Variants in ASTN2 observed in about 807,000 individuals in gnomAD.
The protein encoded by ASTN2 is astrotactin 2.
In ASTN2, 54 loss-of-function variants were observed where a neutral mutation model predicts 139.8. The ratio of observed to expected loss-of-function variants is 0.39; its 90% CI spans 0.31 to 0.48. ASTN2 has a LOEUF of 0.48. ASTN2 is among the 20% of genes least tolerant of loss of function. The pLI, the probability that ASTN2 is intolerant of heterozygous loss-of-function variation, is 0.95. For synonymous variants in ASTN2, 756 were observed against 719.5 expected (o/e 1.05, Z -0.81); for missense variants, 1,565 against 1,725.1 (o/e 0.91, Z 1.64).
rs1831288239 is a variant in ASTN2, at chr9:117,414,893, G to A, written c.46C>T (p.Leu16Phe). ...AAGCAGAGCCTCGGCCGCCCCCGGA[G>A]CCCCGAGCCGGGGCCGGGGCTGAGC... ...ARLSPGPGSG[L>F]RGRPRLCFHP... Residue 16 changes from leucine to phenylalanine, a missense_variant, in exon 1 of 23, where the codon CTC becomes TTC. By Grantham distance (22) the Leu-to-Phe change is conservative (BLOSUM62 0). This residue lies in a region of ASTN2 where 596 missense variants were observed against 576.8 expected (regional missense o/e 1.03). Transcript: ENST00000313400. This position sits in a 1 kb window ranked among gnomAD's most constrained non-coding sequence, Gnocchi z 4.2. 1 of 786,754 alleles carries A rather than the reference G, an allele frequency of 1.3e-6. No individual in the cohort carries two copies. The highest frequency in any genetic ancestry group is 1.9e-5 in the African/African-American group (1 of 53,324). The allele number at this position is 786,754 out of a possible 1,614,324, so 48.7% of individuals were successfully genotyped here. A position where few individuals can be genotyped will look rare whatever the true frequency, so the allele number is the denominator to read the frequency against.
intron 19 of ASTN2, among the ~76,000 whole-genome samples, chr9:116,565,387 CCAT>C (rs1853157153): frequency 7.1e-5 from 3 of 42,098 alleles, no homozygotes; most frequent in African/African-American, 2.1e-4. Flanking sequence ...CTCTCTCTCT[CCAT>C]ATATATATAT....
intron 10 of ASTN2, among the ~76,000 whole-genome samples, chr9:116,903,615 C>T (rs1386549976): frequency 6.6e-6 from 1 of 152,158 alleles, no homozygotes; most frequent in Non-Finnish European, 1.5e-5. Flanking sequence ...GGGTGCTGAA[C>T]CCACCTCCTC....
chr9:116,489,098 A>G (rs1849429203), intron 19 of ASTN2, among the ~76,000 whole-genome samples: 1 of 152,074 alleles, frequency 6.6e-6, no homozygotes, highest in Non-Finnish European at 1.5e-5. Flanking sequence ...CCACTAATAA[A>G]CCAGAAAAGG....
Position 117,039,897 on chromosome 9 carries a change from T to C in ASTN2, c.1345A>G (p.Met449Val), listed in dbSNP as rs761108854. 121 of 1,613,744 alleles carry C rather than the reference T, an allele frequency of 7.5e-5. 1 individual carries two copies. The South Asian group carries it at 1.3e-3, about 17-fold the overall frequency. The change falls in exon 6 of 23, where the codon ATG (methionine) becomes GTG (valine). Residue 449 changes from methionine (M) to valine (V), a missense_variant. This residue lies in a region of ASTN2 where 503 missense variants were observed against 591.7 expected (regional missense o/e 0.85). Transcript: ENST00000313400. ...LIAVSSCILA[M>V]VCGSQMSCPL... ...CAAGACATCTGGCTGCCACACACCA[T>C]GGCCAGGATGCAGGAACTCACAGCA...
intron 17 of ASTN2, among the ~76,000 whole-genome samples, chr9:116,644,840 T>C (rs1857510831): frequency 1.3e-5 from 2 of 152,182 alleles, no homozygotes; most frequent in Admixed American, 1.3e-4. Flanking sequence ...ATTTGCTTTA[T>C]ATTCTGGGTA....
chr9:117,154,361 A>G (rs1443133446), intron 3 of ASTN2, among the ~76,000 whole-genome samples: 1 of 151,982 alleles, frequency 6.6e-6, no homozygotes, highest in African/African-American at 2.4e-5. Flanking sequence ...GTCACCATCA[A>G]CAAAAACACA....
chr9:116,527,428 T>A (rs1239443265), intron 19 of ASTN2, among the ~76,000 whole-genome samples: 1 of 152,176 alleles, frequency 6.6e-6, no homozygotes, highest in Non-Finnish European at 1.5e-5. Context: ...GAAAAAATGC[T>A]CAATATCACT....
intron 10 of ASTN2, among the ~76,000 whole-genome samples, chr9:116,885,147 G>C (rs1833563165): frequency 6.6e-6 from 1 of 152,070 alleles, no homozygotes; most frequent in Non-Finnish European, 1.5e-5. Context: ...TGGGTGAAGA[G>C]AGGTTAGTTA....
At chr9:117,029,944 A>T (rs975769069) in intron 6 of ASTN2, among the ~76,000 whole-genome samples, 1 of 152,102 alleles carries the variant, frequency 6.6e-6, no homozygotes, top group Non-Finnish European at 1.5e-5. Context: ...CTACCCTCAC[A>T]GTTGACAAAA....
intron 19 of ASTN2, chr9:116,586,448 A>G (rs1231901102): frequency 6.6e-6 from 1 of 152,278 alleles, no homozygotes; most frequent in South Asian, 2.1e-4. Flanking sequence ...ACACCACAGA[A>G]TACTACACAG....
chr9:116,601,852 C>T (rs1854917706), intron 19 of ASTN2, among the ~76,000 whole-genome samples: 1 of 151,824 alleles, frequency 6.6e-6, no homozygotes. Context: ...AGGTGGAGAC[C>T]CAAATGTAAA....
intron 10 of ASTN2, among the ~76,000 whole-genome samples, chr9:116,964,604 G>A (rs1835963712): frequency 6.6e-6 from 1 of 152,170 alleles, no homozygotes; most frequent in Non-Finnish European, 1.5e-5. Context: ...TGCGTCAGAA[G>A]ATCCCTTCTA....
chr9:117,049,308 G>C (rs2132665105), intron 5 of ASTN2, among the ~76,000 whole-genome samples: 1 of 152,148 alleles, frequency 6.6e-6, no homozygotes, highest in East Asian at 1.9e-4. Context: ...GCTATATTCT[G>C]CATGTCCCTC....
chr9:116,886,830 G>A (rs1157861537), intron 10 of ASTN2, among the ~76,000 whole-genome samples: 1 of 152,094 alleles, frequency 6.6e-6, no homozygotes, highest in East Asian at 1.9e-4. Context: ...CTCTCATGCA[G>A]GGGAGACAGA....
intron 13 of ASTN2, among the ~76,000 whole-genome samples, chr9:116,774,404 G>T (rs901438813): frequency 1.3e-5 from 2 of 152,128 alleles, no homozygotes; most frequent in Non-Finnish European, 2.9e-5. Context: ...AAGCTATTTG[G>T]GAGTGGGTTG....
intron 13 of ASTN2, among the ~76,000 whole-genome samples, chr9:116,735,335 A>G (rs1334571376): frequency 6.6e-6 from 1 of 152,186 alleles, no homozygotes; most frequent in East Asian, 1.9e-4. Flanking sequence ...AGCAATATGA[A>G]TTTAAAAAGA....
intron 13 of ASTN2, among the ~76,000 whole-genome samples, chr9:116,764,955 G>A (rs1210527487): frequency 6.6e-6 from 1 of 152,110 alleles, no homozygotes; most frequent in East Asian, 1.9e-4. Flanking sequence ...GCATGTGCCT[G>A]CATACTCAAC....
chr9:117,358,536 C>A (rs1265408660), intron 1 of ASTN2, among the ~76,000 whole-genome samples: 1 of 152,080 alleles, frequency 6.6e-6, no homozygotes, highest in South Asian at 2.1e-4. Flanking sequence ...AAACTGGGGG[C>A]AATTGTCTTT....
intron 10 of ASTN2, among the ~76,000 whole-genome samples, chr9:116,864,498 A>C (rs1483767554): frequency 6.6e-6 from 1 of 152,214 alleles, no homozygotes; most frequent in Non-Finnish European, 1.5e-5. Context: ...ATCTGCCAAC[A>C]TTTTATGAGA....
Sources: allele counts gnomAD v4.1 joint callset (sites outside exome capture counted in the v4.1 genomes callset), GRCh38; gene constraint gnomAD v4.1.1; regional missense constraint gnomAD v4.1.1; non-coding constraint Gnocchi (gnomAD v3.1); transcripts MANE v1.5; gene names NCBI Gene and HGNC (gene_info 2026-07-23, HGNC 2026-07-21).